The following AP2A2 variants were observed in gnomAD, a reference collection of about 807,000 sequenced individuals.
The protein encoded by AP2A2 is AP-2 complex subunit alpha-2.
AP2A2 carries 32 observed loss-of-function variants against 104.2 expected under a neutral mutation model. The ratio of observed to expected loss-of-function variants is 0.31; its 90% CI spans 0.23 to 0.41. AP2A2 has a LOEUF of 0.41. Among genes scored for constraint, AP2A2 ranks in the 10% least tolerant of loss-of-function variants. The pLI, the probability that AP2A2 is intolerant of heterozygous loss-of-function variation, is 1.00. For synonymous variants in AP2A2, 539 were observed against 533.3 expected, an observed-to-expected ratio of 1.01 and a Z score of -0.15; for missense variants, 912 against 1,261.0, an observed-to-expected ratio of 0.72 and a Z score of 4.19.
chr11:927,816 C>CAA (rs35472837), intron 1 of AP2A2, among the ~76,000 whole-genome samples: 4,252 of 67,010 alleles, frequency 0.063, 186 homozygotes, highest in African/African-American at 0.11. Context: ...ACCTTTCTCA[C>CAA]AAAAAAAAAA....
At chr11:933,887 T>C (rs1024098215) in intron 1 of AP2A2, among the ~76,000 whole-genome samples, 2 of 152,170 alleles carry the variant, frequency 1.3e-5, no homozygotes, top group African/African-American at 2.4e-5. Context: ...TTTAAACGTT[T>C]GTTGCCTTTT....
In AP2A2 at chr11:1,010,880, A is replaced by G. The variant is rs571793801; in HGVS notation, c.*255A>G. 6.4e-4 allele frequency: 411 copies of G among 639,502 alleles called. 1 individual carries two copies. Among genetic ancestry groups the G allele is most frequent in the Non-Finnish European group, 1.1e-3 (387 of 356,630 alleles). 39.6% of individuals were successfully genotyped at this position (639,502 alleles called of 1,614,324 possible). A position where few individuals can be genotyped will look rare whatever the true frequency, so the allele number is the denominator to read the frequency against. On this transcript the variant is annotated 3_prime_UTR_variant, in exon 22 of 22. Coordinates refer to ENST00000448903, the MANE Select transcript of AP2A2 (RefSeq NM_012305.4). ...GGGATCAATTTTTATAAAAATCGAG[A>G]CAGTTCTGTGGTTAAATCTACAAAT...
chr11:1,009,494 C>G, intron 20 of AP2A2, 97 bp downstream of exon 20: 1 of 1,412,514 alleles, frequency 7.1e-7, no homozygotes, highest in South Asian at 1.2e-5. Context: ...AGCCCATGAC[C>G]CCGCGCCAGG....
chr11:993,743 C>G lies in AP2A2; in HGVS notation c.1551-11C>G. 2.5e-6 allele frequency: 4 copies of G among 1,573,862 alleles called. No individual in the cohort carries two copies. The highest frequency in any genetic ancestry group is 3.4e-6 in the Non-Finnish European group (4 of 1,162,848). ...CGACGGTGTCCCTGTGTTGTGCCTC[C>G]CCGTCCCCAGCCCGCTGATCCAGTT... is the stretch of plus-strand genomic sequence containing the variant. On this transcript the variant is annotated splice_polypyrimidine_tract_variant and intron_variant, in intron 12 of 21. Transcript: ENST00000448903. The surrounding 1 kb of genome is among the most constrained non-coding windows in gnomAD (Gnocchi z 8.2).
intron 3 of AP2A2, 118 bp from the exon 4 acceptor site, chr11:971,944 C>T (rs575220151): frequency 3.1e-6 from 3 of 974,160 alleles, no homozygotes; most frequent in East Asian, 2.6e-5. Flanking sequence ...GCCCTGGGTG[C>T]GTGGGTGGTG....
At chr11:932,102 C>T (rs576076722) in intron 1 of AP2A2, among the ~76,000 whole-genome samples, 19 of 152,236 alleles carry the variant, frequency 1.2e-4, no homozygotes, top group Admixed American at 2.0e-4. Context: ...GCTGGGATTA[C>T]AGGTGTCTGC....
At chr11:954,405 T>C (rs1375829354) in intron 1 of AP2A2, among the ~76,000 whole-genome samples, 1 of 152,152 alleles carries the variant, frequency 6.6e-6, no homozygotes, top group African/African-American at 2.4e-5. Flanking sequence ...TACATGTGTG[T>C]ATTTGTGTGT....
chr11:968,129 C>T lies in AP2A2; in HGVS notation c.137-2040C>T, dbSNP rs1029771152. 6.6e-6 allele frequency among the ~76,000 whole-genome samples: 1 copy of T among 152,146 alleles called. No individual in the cohort carries two copies. The highest frequency in any genetic ancestry group is 2.4e-5 in the African/African-American group (1 of 41,432). On this transcript the variant is annotated intron_variant, in intron 2 of 21. Coordinates refer to ENST00000448903, the MANE Select transcript of AP2A2 (RefSeq NM_012305.4). This position sits in a 1 kb window ranked among gnomAD's most constrained non-coding sequence, Gnocchi z 4.2. ...GGCCCTGGGTTAGGCCAGGAATCCA[C>T]GTGCTGCCACATGAGCAGCGGGCCG...
At chr11:948,440 A>G (rs1853926584) in intron 1 of AP2A2, 1 of 152,282 alleles carries the variant, frequency 6.6e-6, no homozygotes, top group Admixed American at 6.5e-5. Context: ...TTGGCAACAC[A>G]TATACTAAAA....
At chr11:951,744 C>G (rs1328236143) in intron 1 of AP2A2, among the ~76,000 whole-genome samples, 1 of 152,200 alleles carries the variant, frequency 6.6e-6, no homozygotes, top group African/African-American at 2.4e-5. Flanking sequence ...CCAGTCCAGG[C>G]CTGATTTCAG....
intron 2 of AP2A2, among the ~76,000 whole-genome samples, chr11:962,540 C>G (rs1448427026): frequency 6.6e-6 from 1 of 152,090 alleles, no homozygotes; most frequent in Non-Finnish European, 1.5e-5. Flanking sequence ...CGAGACCAGC[C>G]TGGCCAACAT....
At chr11:996,235 CGAGG>C (rs1855853891) in intron 14 of AP2A2, 1 of 152,420 alleles carries the variant, frequency 6.6e-6, no homozygotes, top group Non-Finnish European at 1.5e-5. Context: ...GGTGAGGAGG[CGAGG>C]GCAGGATGAC....
chr11:928,492 A>G (rs905453040), intron 1 of AP2A2, among the ~76,000 whole-genome samples: 5 of 152,346 alleles, frequency 3.3e-5, no homozygotes, highest in East Asian at 3.9e-4. Context: ...ACTTGACTAT[A>G]TAGACCAGAC....
chr11:983,631 C>T (rs1055841301), intron 6 of AP2A2, among the ~76,000 whole-genome samples: 2 of 152,134 alleles, frequency 1.3e-5, no homozygotes, highest in South Asian at 2.1e-4. Context: ...GATCCGCCCG[C>T]CTTGGCCTCT....
intron 14 of AP2A2, among the ~76,000 whole-genome samples, chr11:999,803 CTTTTTTTTTT>C (rs71022992): frequency 4.0e-5 from 5 of 124,720 alleles, no homozygotes; most frequent in African/African-American, 1.2e-4. Flanking sequence ...TTAGTTCTTT[CTTTTTTTTTT>C]TTTTTTTTGA....
At position 998,163 on chromosome 11, in the gene AP2A2, A is replaced by G. The variant is rs7112637; in HGVS notation, c.1957-2269A>G. Among the ~76,000 whole-genome samples the G allele has an allele frequency of 2.8e-3, 426 of 152,224 alleles. 2 individuals are homozygous for G. The highest frequency in any genetic ancestry group is 9.8e-3 in the African/African-American group (408 of 41,532). ...ATGGTCTCATCGAGACACGCCTTGG[A>G]TATTTTTGGGACTCTTCTCTGCCAG... On this transcript the variant is annotated intron_variant, in intron 14 of 21. Transcript: ENST00000448903.
intron 1 of AP2A2, among the ~76,000 whole-genome samples, chr11:934,219 A>T (rs1252923215): frequency 6.6e-6 from 1 of 152,018 alleles, no homozygotes. Context: ...CTTAGGAATA[A>T]CACTTCTAGC....
intron 1 of AP2A2, among the ~76,000 whole-genome samples, chr11:959,176 T>G (rs1277356485): frequency 6.6e-6 from 1 of 152,250 alleles, no homozygotes; most frequent in East Asian, 1.9e-4. Context: ...GCGCAGCGGC[T>G]GGCCCGGGCG....
intron 17 of AP2A2, chr11:1,007,595 C>A (rs1315406703): frequency 4.1e-6 from 1 of 242,344 alleles, no homozygotes; most frequent in South Asian, 4.5e-5. Context: ...ATGAAAACAA[C>A]CCTGGTCCCA....
Sources: gnomAD v4.1 joint callset for allele counts (sites outside exome capture counted in the v4.1 genomes callset) on GRCh38, gnomAD v4.1.1 for gene constraint, Gnocchi (gnomAD v3.1) non-coding constraint, MANE v1.5 for transcripts, NCBI Gene and HGNC (gene_info 2026-07-23, HGNC 2026-07-21) for gene names.